GPR39: variants seen among roughly 807,000 people sequenced by gnomAD.
The protein encoded by GPR39 is zinc sensing receptor.
A neutral mutation model predicts 18.4 loss-of-function variants in GPR39; 23 were observed. That is an observed-to-expected ratio of 1.25 (90% CI 0.90 to 1.77). The LOEUF (loss-of-function observed/expected upper bound fraction) is 1.77, where lower values mean the gene tolerates loss of function less well. Ranked by LOEUF, GPR39 falls within the 40% of genes most tolerant of loss-of-function variation. The pLI, the probability that GPR39 is intolerant of heterozygous loss-of-function variation, is 0.00. For missense variants in GPR39, 647 were observed against 602.4 expected (o/e 1.07, Z -0.78); for synonymous variants, 280 against 257.9 (o/e 1.09, Z -0.82).
At chr2:132,476,447 G>A (rs564217108) in intron 1 of GPR39, among the ~76,000 whole-genome samples, 1 of 151,882 alleles carries the variant, frequency 6.6e-6, no homozygotes, top group African/African-American at 2.4e-5. Flanking sequence ...ACCAGCCTGG[G>A]CAACATGGTG....
intron 1 of GPR39, among the ~76,000 whole-genome samples, chr2:132,507,981 G>C (rs1449366446): frequency 6.6e-6 from 1 of 152,108 alleles, no homozygotes; most frequent in African/African-American, 2.4e-5. Context: ...ATGGTTGGTT[G>C]AATCGTTGGC....
chr2:132,531,975 C>A (rs1679644598), intron 1 of GPR39, among the ~76,000 whole-genome samples: 1 of 152,132 alleles, frequency 6.6e-6, no homozygotes, highest in Non-Finnish European at 1.5e-5. Context: ...CAAAAACTAG[C>A]AGAAGGCAAG....
At chr2:132,451,885 T>A (rs1680637852) in intron 1 of GPR39, among the ~76,000 whole-genome samples, 1 of 152,184 alleles carries the variant, frequency 6.6e-6, no homozygotes, top group African/African-American at 2.4e-5. Flanking sequence ...TTTAAATAGA[T>A]TCAGTCTTCT....
At chr2:132,512,754 G>A (rs1302327706) in intron 1 of GPR39, among the ~76,000 whole-genome samples, 3 of 152,192 alleles carry the variant, frequency 2.0e-5, no homozygotes, top group Non-Finnish European at 4.4e-5. Context: ...TATGCATACT[G>A]CATTTAGAAG....
In GPR39 at chr2:132,443,990, G is replaced by C. The variant is rs1052553018; in HGVS notation, c.856+26092G>C. Among the ~76,000 whole-genome samples, 21 of 152,070 alleles carry C rather than the reference G, an allele frequency of 1.4e-4. 1 individual carries two copies. Among genetic ancestry groups the C allele is most frequent in the Admixed American group, 1.2e-3 (19 of 15,270 alleles). On this transcript the variant is annotated intron_variant, in intron 1 of 1. Transcript: ENST00000329321. The stretch of plus-strand genomic sequence containing the variant: ...CTTGGGAGGCTGAGGTGGGAGGATC[G>C]CTTGAGCCTGGGAGGTGGAGGTTGC...
intron 1 of GPR39, among the ~76,000 whole-genome samples, chr2:132,454,877 G>T (rs571166869): frequency 3.1e-4 from 47 of 152,264 alleles, no homozygotes; most frequent in South Asian, 1.7e-3. Flanking sequence ...GCTGGATTTG[G>T]TTTGCCAGTA....
At chr2:132,599,116 G>C (rs910140502) in intron 1 of GPR39, among the ~76,000 whole-genome samples, 1 of 151,964 alleles carries the variant, frequency 6.6e-6, no homozygotes, top group African/African-American at 2.4e-5. Flanking sequence ...AGCTCTCAAG[G>C]GTCTAAGTTA....
At chr2:132,625,542 A>G (rs1222558456) in intron 1 of GPR39, among the ~76,000 whole-genome samples, 2 of 152,164 alleles carry the variant, frequency 1.3e-5, no homozygotes, top group Non-Finnish European at 2.9e-5. Context: ...AGATTTAAAG[A>G]GACAAATTTG....
At chr2:132,509,540 A>C (rs551121875) in intron 1 of GPR39, among the ~76,000 whole-genome samples, 2 of 152,346 alleles carry the variant, frequency 1.3e-5, no homozygotes, top group African/African-American at 4.8e-5. Context: ...AGACATACTT[A>C]TAAGTAGTAT....
rs772792684 is a variant in GPR39, at chr2:132,645,423, C to T, written c.1179C>T (p.Leu393=). The T allele has an allele frequency of 2.5e-6, 4 of 1,613,510 alleles. No homozygotes were observed. The highest frequency in any genetic ancestry group is 2.7e-5 in the African/African-American group (2 of 74,942). ...CCCGCTTTGTGCAGCGCCCGTTGCT[C>T]TTCGCGTCCCGGCGCCAGTCCTCTG... is the stretch of plus-strand genomic sequence containing the variant. ...DSARFVQRPL[L]FASRRQSSAR... The change falls in exon 2 of 2, where the codon CTC becomes CTT. Residue 393 remains leucine, a synonymous_variant. Coordinates refer to ENST00000329321, the MANE Select transcript of GPR39 (RefSeq NM_001508.3).
chr2:132,492,598 C>CATATATACACACCATCTATATATACAAT (rs1681503130), intron 1 of GPR39, among the ~76,000 whole-genome samples: 2 of 113,820 alleles, frequency 1.8e-5, no homozygotes, highest in Non-Finnish European at 3.7e-5. Context: ...ATATATATAC[C>CATATATACACACCATCTATATATACAAT]ATATATACAC....
In GPR39 at chr2:132,444,429, T is replaced by C. The variant is rs533968631; in HGVS notation, c.856+26531T>C. Among the ~76,000 whole-genome samples the C allele has an allele frequency of 2.0e-5, 3 of 152,216 alleles. No homozygotes were observed. In the South Asian group the frequency reaches 6.2e-4, roughly 32 times the overall value. On this transcript the variant is annotated intron_variant, in intron 1 of 1. Coordinates refer to ENST00000329321, the MANE Select transcript of GPR39 (RefSeq NM_001508.3). ...CCTCAGTCTCCCAAGTAGCTGGGAA[T>C]GCAGGCACACGCCCATACCCAGTTG...
Position 132,582,381 on chromosome 2 carries a change from A to G in GPR39, c.857-62720A>G, listed in dbSNP as rs75456651. Among the ~76,000 whole-genome samples the G allele has an allele frequency of 2.1e-3, 314 of 152,356 alleles. 2 individuals are homozygous for G. The highest frequency in any genetic ancestry group is 3.4e-3 in the Non-Finnish European group (231 of 68,034). ...GAAGGACTTGGATAATGTAATTCTT[A>G]AGTGATTTGCAATGTGCCTTTCAGG... On this transcript the variant is annotated intron_variant, in intron 1 of 1. Coordinates refer to ENST00000329321, the MANE Select transcript of GPR39 (RefSeq NM_001508.3).
chr2:132,460,035 A>G (rs1343420205), intron 1 of GPR39, among the ~76,000 whole-genome samples: 2 of 152,228 alleles, frequency 1.3e-5, no homozygotes, highest in African/African-American at 4.8e-5. Flanking sequence ...AGGGTTTCCC[A>G]CTGCTTCCTA....
intron 1 of GPR39, among the ~76,000 whole-genome samples, chr2:132,493,701 A>T (rs1681578774): frequency 6.6e-6 from 1 of 151,670 alleles, no homozygotes; most frequent in African/African-American, 2.4e-5. Context: ...GAAAATTTTA[A>T]ACATGTTGAG....
At chr2:132,560,419 C>T (rs1207987400) in intron 1 of GPR39, among the ~76,000 whole-genome samples, 6 of 152,220 alleles carry the variant, frequency 3.9e-5, no homozygotes, top group Admixed American at 6.5e-5. Flanking sequence ...TCTCCCCATC[C>T]TCACACCCTG....
At chr2:132,540,523 T>TCAAAC (rs1679843517) in intron 1 of GPR39, among the ~76,000 whole-genome samples, 1 of 152,172 alleles carries the variant, frequency 6.6e-6, no homozygotes, top group Non-Finnish European at 1.5e-5. Context: ...TGGGCCTCAG[T>TCAAAC]ATTGCAGGTG....
intron 1 of GPR39, among the ~76,000 whole-genome samples, chr2:132,471,969 A>G (rs977363752): frequency 8.5e-5 from 13 of 152,142 alleles, no homozygotes; most frequent in Admixed American, 8.5e-4. Flanking sequence ...TCCCATGTGG[A>G]AGGGGCTCAA....
chr2:132,514,301 A>C (rs940857108), intron 1 of GPR39, among the ~76,000 whole-genome samples: 6 of 151,850 alleles, frequency 4.0e-5, no homozygotes, highest in Non-Finnish European at 8.8e-5. Context: ...GGCATGTCAG[A>C]GCTCCTGGGT....
Sources: allele counts gnomAD v4.1 joint callset (sites outside exome capture counted in the v4.1 genomes callset), GRCh38; gene constraint gnomAD v4.1.1; transcripts MANE v1.5; gene names NCBI Gene and HGNC (gene_info 2026-07-23, HGNC 2026-07-21).